Variants in KLHL1 observed in about 807,000 individuals in gnomAD.
The protein encoded by KLHL1 is kelch-like protein 1.
Under a neutral mutation model 77.7 loss-of-function variants are expected in KLHL1, and 47 were observed. The observed-to-expected ratio is 0.60, with a 90% CI of 0.48 to 0.77. The LOEUF (loss-of-function observed/expected upper bound fraction) is 0.77, where lower values mean the gene tolerates loss of function less well. Ranked by LOEUF, KLHL1 falls within the 30% of genes least tolerant of loss-of-function variation. The pLI is 0.00. For synonymous variants in KLHL1, 360 were observed against 325.2 expected, an observed-to-expected ratio of 1.11 and a Z score of -1.15; for missense variants, 925 against 910.8, an observed-to-expected ratio of 1.02 and a Z score of -0.20.
intron 5 of KLHL1, among the ~76,000 whole-genome samples, chr13:69,840,192 T>A (rs1473652577): frequency 1.3e-5 from 2 of 151,938 alleles, no homozygotes; most frequent in Non-Finnish European, 2.9e-5. Flanking sequence ...CTATAAGAGG[T>A]GCCATAAAGA....
At chr13:69,888,959 T>A (rs1404297822) in intron 4 of KLHL1, among the ~76,000 whole-genome samples, 14 of 151,942 alleles carry the variant, frequency 9.2e-5, no homozygotes, top group Admixed American at 9.2e-4. Context: ...CCATGTCCCT[T>A]ATGGAGGATA....
intron 8 of KLHL1, among the ~76,000 whole-genome samples, chr13:69,723,840 A>AC (rs1555263303): frequency 1.7e-5 from 1 of 58,304 alleles, no homozygotes; most frequent in Admixed American, 2.4e-4. Flanking sequence ...GCCAGTCAGA[A>AC]TTTTTTTTTT....
At chr13:70,084,032 A>G (rs545953287) in intron 1 of KLHL1, among the ~76,000 whole-genome samples, 2 of 152,312 alleles carry the variant, frequency 1.3e-5, no homozygotes, top group East Asian at 3.9e-4. Flanking sequence ...AGTGGATAAC[A>G]ACATGTGCTT....
intron 6 of KLHL1, among the ~76,000 whole-genome samples, chr13:69,823,107 A>G (rs552475270): frequency 5.4e-4 from 82 of 152,274 alleles, no homozygotes; most frequent in African/African-American, 1.9e-3. Context: ...AAGAATTGCC[A>G]CAGATGAATA....
At chr13:69,747,714 C>T (rs1316663585) in intron 7 of KLHL1, among the ~76,000 whole-genome samples, 1 of 151,748 alleles carries the variant, frequency 6.6e-6, no homozygotes. Flanking sequence ...TTTTAGCCAT[C>T]AAAAAACTTT....
Position 69,935,680 on chromosome 13 carries a change from G to C in KLHL1, c.1014+4360C>G, listed in dbSNP as rs1883166713. On this transcript the variant is annotated intron_variant, in intron 4 of 10. Coordinates refer to ENST00000377844, the MANE Select transcript of KLHL1 (RefSeq NM_020866.3). Reference sequence around the variant, plus strand: ...AGAACAAGCACAAGACTCCACAAGTGAAGTTATGCTTAGTGTTGTCAAAAA... The same window carrying C: ...AGAACAAGCACAAGACTCCACAAGTCAAGTTATGCTTAGTGTTGTCAAAAA... 2.0e-5 allele frequency among the ~76,000 whole-genome samples: 3 copies of C among 152,238 alleles called. 1 individual carries two copies. In the South Asian group the frequency reaches 6.2e-4, roughly 32 times the overall value.
intron 1 of KLHL1, among the ~76,000 whole-genome samples, chr13:70,025,564 G>A (rs1241327629): frequency 6.6e-6 from 1 of 151,764 alleles, no homozygotes; most frequent in African/African-American, 2.4e-5. Flanking sequence ...TTCCCCCAAA[G>A]TATTTGTATT....
At position 69,721,493 on chromosome 13, in the gene KLHL1, A is replaced by G. The variant is rs530784827; in HGVS notation, c.1803-1912T>C. 1.1e-3 allele frequency among the ~76,000 whole-genome samples: 163 copies of G among 152,066 alleles called. 1 individual carries two copies. The highest frequency in any genetic ancestry group is 1.7e-3 in the Non-Finnish European group (114 of 67,984). On this transcript the variant is annotated intron_variant, in intron 8 of 10. Coordinates refer to ENST00000377844, the MANE Select transcript of KLHL1 (RefSeq NM_020866.3). The stretch of plus-strand genomic sequence containing the variant: ...TGTCTCAGATATTTTGGGTTCGCAG[A>G]TGAAATTTTTTCTTTACTATGGACA...
chr13:69,741,814 G>A (rs1874001718), intron 7 of KLHL1, among the ~76,000 whole-genome samples: 1 of 152,126 alleles, frequency 6.6e-6, no homozygotes, highest in African/African-American at 2.4e-5. Context: ...CTCGGGAGCT[G>A]CAGTTCCTTT....
chr13:69,959,668 TCC>T (rs71116966), intron 3 of KLHL1, among the ~76,000 whole-genome samples: 1 of 149,790 alleles, frequency 6.7e-6, no homozygotes, highest in African/African-American at 2.5e-5. Flanking sequence ...CTTTTTTTTT[TCC>T]CCCCAAAGGC....
chr13:70,047,573 T>G (rs1886533483), intron 1 of KLHL1, among the ~76,000 whole-genome samples: 1 of 152,166 alleles, frequency 6.6e-6, no homozygotes, highest in African/African-American at 2.4e-5. Context: ...AAAACACAGA[T>G]TTCATTGAAA....
intron 7 of KLHL1, among the ~76,000 whole-genome samples, chr13:69,744,649 G>A (rs982969284): frequency 1.4e-4 from 21 of 151,428 alleles, no homozygotes; most frequent in Admixed American, 7.3e-4. Context: ...GCAACTTCCC[G>A]AAAGGTACAC....
chr13:69,838,907 A>G (rs564687418), intron 6 of KLHL1, 69 bp downstream of exon 6: 2 of 1,018,034 alleles, frequency 2.0e-6, no homozygotes, highest in Non-Finnish European at 1.4e-6. Context: ...TAGTATCACC[A>G]TTACAATATA....
At chr13:69,916,550 T>C (rs2138255054) in intron 4 of KLHL1, among the ~76,000 whole-genome samples, 1 of 146,776 alleles carries the variant, frequency 6.8e-6, no homozygotes, top group African/African-American at 2.5e-5. Context: ...TGAGAACACA[T>C]GGACAGAGGA....
At chr13:70,100,849 A>G (rs1467200865) in intron 1 of KLHL1, among the ~76,000 whole-genome samples, 1 of 152,216 alleles carries the variant, frequency 6.6e-6, no homozygotes, top group East Asian at 1.9e-4. Flanking sequence ...ATTATTTTAG[A>G]TGGTACAATA....
In KLHL1 at chr13:69,777,532, C is replaced by A. The variant is rs1434854350; in HGVS notation, c.1639+19206G>T. Among the ~76,000 whole-genome samples the A allele has an allele frequency of 3.3e-5, 5 of 152,208 alleles. No homozygotes were observed. In the East Asian group the frequency reaches 9.7e-4, roughly 29 times the overall value. On this transcript the variant is annotated intron_variant, in intron 7 of 10. Coordinates refer to ENST00000377844, the MANE Select transcript of KLHL1 (RefSeq NM_020866.3). ...ATACTTTCATGAGATAATCCAATAT[C>A]ATTTAAATTAATTTATTTTCCAACA...
intron 5 of KLHL1, among the ~76,000 whole-genome samples, chr13:69,856,799 T>C (rs1268422162): frequency 1.3e-5 from 2 of 152,198 alleles, no homozygotes; most frequent in African/African-American, 2.4e-5. Flanking sequence ...CATCAAGTTA[T>C]ATTTCTTCTC....
intron 7 of KLHL1, among the ~76,000 whole-genome samples, chr13:69,782,020 C>T (rs1246251155): frequency 1.3e-5 from 2 of 152,190 alleles, no homozygotes; most frequent in Non-Finnish European, 2.9e-5. Flanking sequence ...ACATTTCTTA[C>T]AATTTTCTTT....
intron 7 of KLHL1, among the ~76,000 whole-genome samples, chr13:69,765,416 G>C (rs1037684168): frequency 1.3e-5 from 2 of 151,978 alleles, no homozygotes; most frequent in African/African-American, 4.8e-5. Context: ...CCTTTGCTTT[G>C]CTATCACATA....
Sources: gnomAD v4.1 joint callset for allele counts (sites outside exome capture counted in the v4.1 genomes callset) on GRCh38, gnomAD v4.1.1 for gene constraint, MANE v1.5 for transcripts, NCBI Gene and HGNC (gene_info 2026-07-23, HGNC 2026-07-21) for gene names.